Variants in MED15 observed in about 807,000 individuals in gnomAD.
The protein encoded by MED15 is mediator of RNA polymerase II transcription subunit 15.
A neutral mutation model predicts 118.7 loss-of-function variants in MED15; 41 were observed. The observed-to-expected ratio is 0.35, with a 90% confidence interval of 0.27 to 0.45. The LOEUF is 0.45. MED15 is among the 20% of genes least tolerant of loss of function. The pLI, the probability that MED15 is intolerant of heterozygous loss-of-function variation, is 1.00. For missense variants in MED15, 740 were observed against 1,025.5 expected (o/e 0.72, Z 3.80); for synonymous variants, 436 against 413.9 (o/e 1.05, Z -0.65).
At chr22:20,533,285 G>T (rs1258548723) in intron 1 of MED15, among the ~76,000 whole-genome samples, 1 of 152,214 alleles carries the variant, frequency 6.6e-6, no homozygotes, top group Non-Finnish European at 1.5e-5. Flanking sequence ...TCTGAAAAGC[G>T]CCAGGCCAGC....
Position 20,561,500 on chromosome 22 carries a change from C to G in MED15, c.452-2950C>G, listed in dbSNP as rs140473369. On this transcript the variant is annotated intron_variant, in intron 5 of 17. Transcript: ENST00000263205. The stretch of plus-strand genomic sequence containing the variant: ...ACGCCACTGCACTCCAGTCTGGCGA[C>G]AGAGTGAGATTCCATCTCAAAAAAA... 8.2e-3 allele frequency among the ~76,000 whole-genome samples: 1,220 copies of G among 148,532 alleles called. 12 individuals are homozygous for G. Among genetic ancestry groups the G allele is most frequent in the Non-Finnish European group, 0.011 (728 of 67,358 alleles).
intron 1 of MED15, among the ~76,000 whole-genome samples, chr22:20,521,088 A>ATTTTTTTT (rs924603121): frequency 9.8e-5 from 6 of 61,500 alleles, no homozygotes; most frequent in Non-Finnish European, 1.6e-4. Context: ...CAGTTGTTCT[A>ATTTTTTTT]TTTTTTTTTT....
rs549430712 is a variant in MED15 at position 20,536,890 on chromosome 22, G to A, written c.69-227G>A. On this transcript the variant is annotated intron_variant, in intron 1 of 17. Coordinates refer to ENST00000263205, the MANE Select transcript of MED15 (RefSeq NM_001003891.3). Reference sequence around the variant, plus strand: ...CAGGGCTCTCTCTTTGCTTCATGGCGACCACCTTTCCTGTCCCTTTTTTCT... The same window carrying A: ...CAGGGCTCTCTCTTTGCTTCATGGCAACCACCTTTCCTGTCCCTTTTTTCT... 8.5e-5 allele frequency among the ~76,000 whole-genome samples: 13 copies of A among 152,262 alleles called. 1 individual carries two copies. In the South Asian group the frequency reaches 2.1e-3, roughly 24 times the overall value.
At chr22:20,582,574 G>A (rs774272582) in intron 9 of MED15, 37 bp from the exon 10 acceptor site, 34 of 1,536,016 alleles carry the variant, frequency 2.2e-5, no homozygotes, top group Middle Eastern at 1.8e-4. Flanking sequence ...GCGGGCGGGC[G>A]TGTGGCAGCG....
intron 17 of MED15, 112 bp from the exon 18 acceptor site, chr22:20,586,456 C>T (rs1395515676): frequency 5.3e-6 from 8 of 1,495,960 alleles, no homozygotes; most frequent in Non-Finnish European, 6.3e-6. Context: ...CACATCACCT[C>T]CTGGTGCTTC....
Position 20,537,153 on chromosome 22 carries a change from T to C in MED15, c.105T>C (p.Ser35=). The C allele has an allele frequency of 6.2e-7, 1 of 1,613,976 alleles. No individual in the cohort carries two copies. The highest frequency in any genetic ancestry group is 8.5e-7 in the Non-Finnish European group (1 of 1,179,898). ...TGAGGAAAGCTGGTGTGGCACACAG[T>C]AAATCCAGCAAGGATATGGAGAGCC... is the stretch of plus-strand genomic sequence containing the variant. ...DAMRKAGVAH[S]KSSKDMESHV... is the part of the protein sequence containing the mutation. The change falls in exon 2 of 18, where the codon AGT becomes AGC. Residue 35 remains serine (S), a synonymous_variant. Transcript: ENST00000263205.
intron 5 of MED15, among the ~76,000 whole-genome samples, chr22:20,563,262 T>G (rs1393426164): frequency 6.6e-6 from 1 of 152,204 alleles, no homozygotes; most frequent in Non-Finnish European, 1.5e-5. Flanking sequence ...TAACAGCAGC[T>G]TTATTTGTGG....
chr22:20,533,578 C>A (rs2054938052), intron 1 of MED15, among the ~76,000 whole-genome samples: 1 of 152,120 alleles, frequency 6.6e-6, no homozygotes, highest in Non-Finnish European at 1.5e-5. Context: ...TGGAGGAGCG[C>A]CTTGCCGGAG....
At chr22:20,571,994 G>A (rs1395615990) in intron 8 of MED15, among the ~76,000 whole-genome samples, 1 of 152,186 alleles carries the variant, frequency 6.6e-6, no homozygotes, top group Non-Finnish European at 1.5e-5. Context: ...TAATTAGAAA[G>A]CCCTGGTCGG....
intron 3 of MED15, 79 bp from the exon 4 acceptor site, chr22:20,553,066 A>G: frequency 4.3e-6 from 6 of 1,393,452 alleles, no homozygotes; most frequent in Non-Finnish European, 6.1e-6. Context: ...AAATGCCTAC[A>G]GAACTGACCT....
At chr22:20,546,325 A>G (rs1306306491) in intron 2 of MED15, among the ~76,000 whole-genome samples, 1 of 152,082 alleles carries the variant, frequency 6.6e-6, no homozygotes, top group Non-Finnish European at 1.5e-5. Flanking sequence ...TATCCGAAGT[A>G]TTGCCTTAAT....
intron 9 of MED15, among the ~76,000 whole-genome samples, chr22:20,581,536 G>A (rs542585337): frequency 4.3e-4 from 65 of 152,278 alleles, no homozygotes; most frequent in African/African-American, 1.5e-3. Flanking sequence ...ACTGTGAGGG[G>A]ATGCTTGGCA....
chr22:20,567,255 GA>G (rs764507611), intron 7 of MED15, among the ~76,000 whole-genome samples: 3 of 152,158 alleles, frequency 2.0e-5, no homozygotes, highest in Non-Finnish European at 4.4e-5. Flanking sequence ...CAAGTCTCAG[GA>G]GAACAAAGTT....
intron 13 of MED15, chr22:20,583,733 C>T (rs1323041931): frequency 4.8e-5 from 15 of 312,096 alleles, no homozygotes; most frequent in African/African-American, 4.2e-5. Context: ...GAGTTCTGCC[C>T]CTGACTTGCT....
At chr22:20,515,766 CAG>C (rs2054229676) in intron 1 of MED15, among the ~76,000 whole-genome samples, 1 of 150,080 alleles carries the variant, frequency 6.7e-6, no homozygotes, top group African/African-American at 2.5e-5. Context: ...AGCCTGGCGA[CAG>C]AGTGAGACTC....
intron 9 of MED15, among the ~76,000 whole-genome samples, chr22:20,580,091 G>A (rs977071973): frequency 1.3e-4 from 19 of 151,876 alleles, no homozygotes; most frequent in African/African-American, 4.6e-4. Context: ...GGTGCCCCTC[G>A]TTTGTTTTTC....
At chr22:20,559,060 G>A (rs2056128572) in intron 5 of MED15, among the ~76,000 whole-genome samples, 1 of 152,158 alleles carries the variant, frequency 6.6e-6, no homozygotes, top group African/African-American at 2.4e-5. Flanking sequence ...GGAGGCTAAG[G>A]CAGGGGGATT....
At chr22:20,517,128 A>C (rs945974847) in intron 1 of MED15, among the ~76,000 whole-genome samples, 1 of 150,076 alleles carries the variant, frequency 6.7e-6, no homozygotes, top group Non-Finnish European at 1.5e-5. Context: ...GGTAGAGACC[A>C]GGTCTTGGTT....
At chr22:20,512,633 C>T (rs2146336065) in intron 1 of MED15, among the ~76,000 whole-genome samples, 1 of 146,706 alleles carries the variant, frequency 6.8e-6, no homozygotes, top group South Asian at 2.2e-4. Flanking sequence ...GCTCTGTTGC[C>T]CAGGCTGGAG....
Sources: gnomAD v4.1 joint callset for allele counts (sites outside exome capture counted in the v4.1 genomes callset) on GRCh38, gnomAD v4.1.1 for gene constraint, MANE v1.5 for transcripts, NCBI Gene and HGNC (gene_info 2026-07-23, HGNC 2026-07-21) for gene names.